The following CEP164 variants were observed in gnomAD, a reference collection of about 807,000 sequenced individuals.
CEP164 encodes the protein centrosomal protein of 164 kDa.
In CEP164, 162 loss-of-function variants were observed where a neutral mutation model predicts 182.7. The ratio of observed to expected loss-of-function variants is 0.89; its 90% CI spans 0.78 to 1.01. CEP164 has a LOEUF of 1.01. Among genes scored for constraint, CEP164 ranks in the 50% least tolerant of loss-of-function variants. CEP164 has a pLI of 0.00. For synonymous variants in CEP164, 661 were observed against 690.0 expected, an observed-to-expected ratio of 0.96 and a Z score of 0.66; for missense variants, 1,735 against 1,790.4, an observed-to-expected ratio of 0.97 and a Z score of 0.56.
In CEP164 at chr11:117,362,435, C is replaced by G. The variant is rs1338805138; in HGVS notation, c.584C>G (p.Thr195Arg). 2 of 1,613,546 alleles carry G rather than the reference C, an allele frequency of 1.2e-6. No homozygotes were observed. Among genetic ancestry groups the G allele is most frequent in the Admixed American group, 3.3e-5 (2 of 59,978 alleles). ...CAGGGTCTCAAGACCTCTGCTTATA[C>G]AAAGGGTCTCTTGGGCTCCATATAT... ...PSQGLKTSAY[T>R]KGLLGSIYED... Residue 195 changes from threonine (T) to arginine (R), a missense_variant, in exon 7 of 33, where the codon ACA becomes AGA. Physicochemically the swap from Thr to Arg is moderately conservative, Grantham distance 71 (BLOSUM62 -1). Transcript: ENST00000278935.
chr11:117,363,427 A>G lies in CEP164; in HGVS notation c.688-2A>G, dbSNP rs370034077. The G allele has an allele frequency of 6.2e-7, 1 of 1,611,812 alleles. No individual in the cohort carries two copies. Among genetic ancestry groups the G allele is most frequent in the African/African-American group, 1.3e-5 (1 of 74,846 alleles). ...ACCACTTGTCATCATTTTTGTTTCTAGAGTGTCCACAGCTCAAGTGAGCCT... is the reference window on the plus strand; with the variant it reads ...ACCACTTGTCATCATTTTTGTTTCTGGAGTGTCCACAGCTCAAGTGAGCCT... On this transcript the variant is annotated splice_acceptor_variant, in intron 7 of 32. Transcript: ENST00000278935. LOFTEE classifies it high-confidence loss of function.
At chr11:117,403,896 C>T (rs2056320607) in intron 27 of CEP164, among the ~76,000 whole-genome samples, 1 of 151,878 alleles carries the variant, frequency 6.6e-6, no homozygotes, top group Non-Finnish European at 1.5e-5. Flanking sequence ...CGCTTTATTT[C>T]ATTGTTAATC....
chr11:117,322,599 C>T (rs912272459), intron 1 of CEP164, among the ~76,000 whole-genome samples: 1 of 151,732 alleles, frequency 6.6e-6, no homozygotes, highest in Middle Eastern at 3.4e-3. Flanking sequence ...TCTTGTTGCC[C>T]AAGCTGGAGT....
chr11:117,386,846 C>T (rs2044018302), intron 14 of CEP164: 1 of 236,978 alleles, frequency 4.2e-6, no homozygotes, highest in East Asian at 9.8e-5. Context: ...GGCTGTGAGC[C>T]ATTCTAGGAA....
intron 10 of CEP164, among the ~76,000 whole-genome samples, chr11:117,375,129 T>A (rs546194892): frequency 2.0e-5 from 3 of 152,360 alleles, no homozygotes; most frequent in South Asian, 4.1e-4. Flanking sequence ...CCAAGGCTCA[T>A]TTCCAAACTG....
intron 8 of CEP164, among the ~76,000 whole-genome samples, 190 bp from the exon 9 acceptor site, chr11:117,370,890 G>A (rs1239001121): frequency 4.6e-5 from 7 of 151,974 alleles, no homozygotes; most frequent in Non-Finnish European, 1.0e-4. Flanking sequence ...CAGCCTGGGC[G>A]ACAGAGTAAG....
intron 11 of CEP164, among the ~76,000 whole-genome samples, chr11:117,379,211 G>A (rs1592270228): frequency 6.6e-6 from 1 of 152,214 alleles, no homozygotes; most frequent in Non-Finnish European, 1.5e-5. Flanking sequence ...TACAGGCACC[G>A]GGAGGTACTC....
At chr11:117,375,880 C>A in intron 11 of CEP164, 89 bp downstream of exon 11, 1 of 1,152,152 alleles carries the variant, frequency 8.7e-7, no homozygotes, top group Non-Finnish European at 1.3e-6. Flanking sequence ...CTGCCCATCA[C>A]AGGGTGCATT....
chr11:117,372,004 C>G lies in CEP164; in HGVS notation c.1152+538C>G, dbSNP rs554562673. Among the ~76,000 whole-genome samples, 5 of 152,052 alleles carry G rather than the reference C, an allele frequency of 3.3e-5. No individual in the cohort carries two copies. In the South Asian group the frequency reaches 1.0e-3, roughly 32 times the overall value. ...CACAGGCATATGTCACCATGCCCAA[C>G]TAATTTTGGTATTTTTTGTAGAGAT... On this transcript the variant is annotated intron_variant, in intron 9 of 32. Transcript: ENST00000278935.
chr11:117,335,268 C>T (rs975191565), intron 1 of CEP164, among the ~76,000 whole-genome samples: 4 of 152,204 alleles, frequency 2.6e-5, no homozygotes, highest in Non-Finnish European at 5.9e-5. Context: ...CACATTCCCA[C>T]TTCAGCTTAT....
chr11:117,323,274 G>C (rs113150932), upstream of CEP164, among the ~76,000 whole-genome samples: 2 of 151,116 alleles, frequency 1.3e-5, no homozygotes, highest in African/African-American at 4.9e-5. Flanking sequence ...CCTCAATCTG[G>C]TAACCACTGT....
At chr11:117,392,675 C>G (rs372550715) in intron 19 of CEP164, 48 bp downstream of exon 19, 3 of 1,591,946 alleles carry the variant, frequency 1.9e-6, no homozygotes, top group Non-Finnish European at 2.6e-6. Flanking sequence ...GTTGTGGACT[C>G]TCTTACAGTC....
intron 3 of CEP164, among the ~76,000 whole-genome samples, chr11:117,343,115 C>T (rs2038357584): frequency 6.6e-6 from 1 of 152,186 alleles, no homozygotes; most frequent in East Asian, 1.9e-4. Flanking sequence ...AGGCAATCCT[C>T]CCACCTCGGC....
At chr11:117,384,649 G>A (rs1404706062) in intron 14 of CEP164, 1 of 152,216 alleles carries the variant, frequency 6.6e-6, no homozygotes, top group Non-Finnish European at 1.5e-5. Flanking sequence ...CCCCTGCTAG[G>A]GTCTGAGAAA....
At chr11:117,405,757 A>C (rs1054404425) in intron 27 of CEP164, among the ~76,000 whole-genome samples, 1 of 152,210 alleles carries the variant, frequency 6.6e-6, no homozygotes, top group Non-Finnish European at 1.5e-5. Context: ...TTCTTCTGCC[A>C]GAGACACTAA....
intron 9 of CEP164, among the ~76,000 whole-genome samples, chr11:117,373,097 G>A (rs1476882303): frequency 1.3e-5 from 2 of 152,056 alleles, no homozygotes; most frequent in Admixed American, 6.6e-5. Context: ...GGCCGGGCAC[G>A]GTGGCTCATG....
At position 117,392,298 on chromosome 11, in the gene CEP164, C is replaced by T. The variant is rs139225491; in HGVS notation, c.2356C>T (p.Arg786Trp). 70 of 1,610,166 alleles carry T rather than the reference C, an allele frequency of 4.3e-5. No homozygotes were observed. Among genetic ancestry groups the T allele is most frequent in the African/African-American group, 4.1e-4 (31 of 74,898 alleles). ...CTGCTCCTCATTGGAGGCCAAGCAC[C>T]GGGAGGTAAGATGCAGCATCCTGGG... ...RLCSSLEAKH[R>W]EVVSSLQKKI... Residue 786 changes from arginine (R) to tryptophan (W), a missense_variant, in exon 18 of 33, where the codon CGG becomes TGG. By Grantham distance (101) the Arg-to-Trp change is moderately radical (BLOSUM62 -3). Coordinates refer to ENST00000278935, the MANE Select transcript of CEP164 (RefSeq NM_014956.5).
In CEP164 at chr11:117,380,659, A is replaced by G; in HGVS notation, c.1363A>G (p.Ser455Gly). The change falls in exon 12 of 33, where the codon AGC (serine) becomes GGC (glycine). Residue 455 changes from serine to glycine, a missense_variant. Physicochemically the swap from Ser to Gly is moderately conservative, Grantham distance 56 (BLOSUM62 0). Coordinates refer to ENST00000278935, the MANE Select transcript of CEP164 (RefSeq NM_014956.5). ...GIEDKDDSQS[S>G]QDELQSKQSK... Reference sequence around the variant, plus strand: ...AGAAGACAAGGATGACAGCCAGTCCAGCCAAGATGAGCTGCAGAGCAAGCA... The same window carrying G: ...AGAAGACAAGGATGACAGCCAGTCCGGCCAAGATGAGCTGCAGAGCAAGCA... 1 of 1,609,020 alleles carries G rather than the reference A, an allele frequency of 6.2e-7. No individual in the cohort carries two copies. The highest frequency in any genetic ancestry group is 8.5e-7 in the Non-Finnish European group (1 of 1,177,764).
At chr11:117,396,206 G>A in intron 25 of CEP164, 26 bp downstream of exon 25, 9 of 1,559,418 alleles carry the variant, frequency 5.8e-6, no homozygotes, top group Non-Finnish European at 7.9e-6. Context: ...GGGCCTGGGG[G>A]CTGGGGCACC....
Sources: allele counts gnomAD v4.1 joint callset (sites outside exome capture counted in the v4.1 genomes callset), GRCh38; gene constraint gnomAD v4.1.1; transcripts MANE v1.5; gene names NCBI Gene and HGNC (gene_info 2026-07-23, HGNC 2026-07-21).